The following RELL1 variants were observed in gnomAD, a reference collection of about 807,000 sequenced individuals.
The protein encoded by RELL1 is RELT like 1.
RELL1 carries 10 observed loss-of-function variants against 23.0 expected under a neutral mutation model. That is an observed-to-expected ratio of 0.43 (90% CI 0.27 to 0.74). RELL1 has a LOEUF of 0.74. Ranked by LOEUF, RELL1 falls within the 30% of genes least tolerant of loss-of-function variation. The pLI is 0.19. For synonymous variants in RELL1, 146 were observed against 146.8 expected (o/e 0.99, Z 0.04); for missense variants, 315 against 364.4 (o/e 0.86, Z 1.10).
Position 37,635,021 on chromosome 4 carries a change from C to T in RELL1, c.546G>A (p.Thr182=), listed in dbSNP as rs114293577. The change falls in exon 5 of 7, where the codon ACG becomes ACA. Residue 182 remains threonine (T), a synonymous_variant. Coordinates refer to ENST00000454158, the MANE Select transcript of RELL1 (RefSeq NM_001085400.2). ...CATCCCTCTCGACAACACCGCCCAC[C>T]GTATGCAGATGATGGCCACAGACGT... ...GKHVCGHHLH[T]VGGVVERDVC... 1.2e-3 allele frequency: 1,955 copies of T among 1,614,224 alleles called. 22 individuals are homozygous for T. The African/African-American group carries it at 0.022, about 19-fold the overall frequency.
intron 3 of RELL1, among the ~76,000 whole-genome samples, chr4:37,643,298 G>A (rs1187984512): frequency 6.6e-6 from 1 of 152,192 alleles, no homozygotes; most frequent in Non-Finnish European, 1.5e-5. Flanking sequence ...CAGCAGGTCA[G>A]CTGATAATCC....
intron 1 of RELL1, among the ~76,000 whole-genome samples, chr4:37,651,323 C>CA (rs1227775630): frequency 6.6e-6 from 1 of 152,016 alleles, no homozygotes; most frequent in African/African-American, 2.4e-5. Context: ...GAGAGAAATA[C>CA]AAAATGAAGA....
At chr4:37,664,645 A>C (rs1218662612) in intron 1 of RELL1, among the ~76,000 whole-genome samples, 1 of 152,162 alleles carries the variant, frequency 6.6e-6, no homozygotes, top group Non-Finnish European at 1.5e-5. Context: ...TACACATGAG[A>C]TAGGGACACA....
downstream of RELL1, chr4:37,590,448 C>T (rs753126994): frequency 6.2e-7 from 1 of 1,610,414 alleles, no homozygotes; most frequent in Non-Finnish European, 8.5e-7. Flanking sequence ...ATACTGTTCC[C>T]CCAACTCAAC....
chr4:37,596,963 G>T (rs887875167), intron 6 of RELL1, among the ~76,000 whole-genome samples: 14 of 151,452 alleles, frequency 9.2e-5, no homozygotes, highest in Non-Finnish European at 2.1e-4. Context: ...GGTCAGGCTG[G>T]TCTCGAACTC....
intron 1 of RELL1, among the ~76,000 whole-genome samples, chr4:37,661,072 C>G (rs1463102784): frequency 6.6e-6 from 1 of 151,266 alleles, no homozygotes; most frequent in Non-Finnish European, 1.5e-5. Flanking sequence ...AACAAACAAA[C>G]AAAAACTGGT....
At chr4:37,652,086 T>C (rs1720968833) in intron 1 of RELL1, among the ~76,000 whole-genome samples, 1 of 152,156 alleles carries the variant, frequency 6.6e-6, no homozygotes, top group Non-Finnish European at 1.5e-5. Flanking sequence ...ATAATGATTA[T>C]AATGGGGACA....
chr4:37,590,831 G>GTCC (rs1377792480), exon 7 of RELL1: 1 of 1,614,238 alleles, frequency 6.2e-7, no homozygotes, highest in Non-Finnish European at 8.5e-7. Flanking sequence ...AATGAGAAGG[G>GTCC]TCCTGTTCAT....
At chr4:37,645,796 C>A (rs1356939719) in intron 3 of RELL1, among the ~76,000 whole-genome samples, 1 of 152,198 alleles carries the variant, frequency 6.6e-6, no homozygotes, top group Non-Finnish European at 1.5e-5. Context: ...CAGATCTATG[C>A]CAAAAGCATA....
chr4:37,669,005 T>TGG (rs1331662561), intron 1 of RELL1, among the ~76,000 whole-genome samples: 43 of 117,528 alleles, frequency 3.7e-4, no homozygotes, highest in Non-Finnish European at 5.0e-4. Context: ...AGGAGAGAGG[T>TGG]GGGGGGGTCA....
At chr4:37,588,789 A>C (rs1391644814), downstream of RELL1, 1 of 1,283,756 alleles carries the variant, frequency 7.8e-7, no homozygotes, top group East Asian at 2.3e-5. Flanking sequence ...AGGCAAACTT[A>C]ATTCCTACTA....
At chr4:37,603,768 G>A (rs868610365) in intron 6 of RELL1, among the ~76,000 whole-genome samples, 2 of 152,144 alleles carry the variant, frequency 1.3e-5, no homozygotes, top group Non-Finnish European at 2.9e-5. Context: ...GGAAAGGGAG[G>A]GAATGTGCAG....
chr4:37,617,931 G>A (rs1033285662), intron 6 of RELL1, among the ~76,000 whole-genome samples: 6 of 152,184 alleles, frequency 3.9e-5, no homozygotes, highest in Admixed American at 2.0e-4. Context: ...TATCACACCT[G>A]TTAAGGAATC....
chr4:37,617,604 G>T (rs1330344206), intron 6 of RELL1, among the ~76,000 whole-genome samples: 1 of 152,164 alleles, frequency 6.6e-6, no homozygotes, highest in African/African-American at 2.4e-5. Context: ...CCAACATGGT[G>T]AAACCACGTC....
intron 6 of RELL1, among the ~76,000 whole-genome samples, chr4:37,605,224 GAT>G (rs1719158718): frequency 6.6e-6 from 1 of 152,074 alleles, no homozygotes; most frequent in South Asian, 2.1e-4. Context: ...AATACATAAA[GAT>G]GTGTGTATCC....
intron 1 of RELL1, among the ~76,000 whole-genome samples, chr4:37,665,898 GA>G (rs1282065036): frequency 2.6e-5 from 4 of 152,142 alleles, no homozygotes; most frequent in African/African-American, 9.7e-5. Context: ...TGCAGAATAG[GA>G]CATAAACTAA....
At chr4:37,592,948 T>G (rs1718688059) in intron 6 of RELL1, among the ~76,000 whole-genome samples, 1 of 152,240 alleles carries the variant, frequency 6.6e-6, no homozygotes, top group Admixed American at 6.5e-5. Context: ...TTATTTAGTA[T>G]AAAACATGAT....
At chr4:37,671,495 T>C (rs1225298187) in intron 1 of RELL1, among the ~76,000 whole-genome samples, 3 of 152,354 alleles carry the variant, frequency 2.0e-5, no homozygotes, top group Non-Finnish European at 4.4e-5. Flanking sequence ...CTGCTCATTA[T>C]ATGCTAACTA....
At chr4:37,603,689 CT>C (rs973487329) in intron 6 of RELL1, among the ~76,000 whole-genome samples, 1 of 152,176 alleles carries the variant, frequency 6.6e-6, no homozygotes, top group African/African-American at 2.4e-5. Context: ...GGCAGGCCCC[CT>C]GGCAAATTCA....
Sources: allele counts gnomAD v4.1 joint callset (sites outside exome capture counted in the v4.1 genomes callset), GRCh38; gene constraint gnomAD v4.1.1; transcripts MANE v1.5; gene names NCBI Gene and HGNC (gene_info 2026-07-23, HGNC 2026-07-21).